AFAP1L1: variants seen among roughly 807,000 people sequenced by gnomAD.
AFAP1L1 encodes the protein actin filament associated protein 1 like 1, also known as actin filament-associated protein 1-like 1.
AFAP1L1 carries 77 observed loss-of-function variants against 99.8 expected under a neutral mutation model. The observed-to-expected ratio is 0.77, with a 90% CI of 0.64 to 0.93. The LOEUF is 0.93. AFAP1L1 is among the 40% of genes least tolerant of loss of function. The probability of loss-of-function intolerance (pLI) is 0.00; values close to 1 mark genes in which losing one functional copy is unlikely to be tolerated. For missense variants in AFAP1L1, 893 were observed against 996.8 expected (o/e 0.90, Z 1.40); for synonymous variants, 373 against 395.3 (o/e 0.94, Z 0.67).
chr5:149,282,199 C>T (rs1755539760), intron 1 of AFAP1L1, among the ~76,000 whole-genome samples: 1 of 152,182 alleles, frequency 6.6e-6, no homozygotes, highest in Admixed American at 6.5e-5. Context: ...CACCACATTG[C>T]AGTCATACCA....
intron 6 of AFAP1L1, among the ~76,000 whole-genome samples, 174 bp downstream of exon 6, chr5:149,306,578 G>A (rs369988842): frequency 6.6e-5 from 10 of 152,254 alleles, no homozygotes; most frequent in South Asian, 6.2e-4. Flanking sequence ...TGGAAAGACC[G>A]CTGGAATGGG....
intron 18 of AFAP1L1, 103 bp downstream of exon 18, chr5:149,335,825 A>G: frequency 6.8e-7 from 1 of 1,468,042 alleles, no homozygotes; most frequent in South Asian, 1.3e-5. Flanking sequence ...AAGGTAGAGA[A>G]TTGCCAATGC....
intron 5 of AFAP1L1, among the ~76,000 whole-genome samples, chr5:149,303,676 G>T (rs1036751311): frequency 2.0e-5 from 3 of 151,886 alleles, no homozygotes; most frequent in Non-Finnish European, 4.4e-5. Flanking sequence ...TTTAAATAGG[G>T]TGTACACAAA....
At chr5:149,272,075 G>A (rs1755130267) in intron 1 of AFAP1L1, 91 bp downstream of exon 1, 5 of 1,184,534 alleles carry the variant, frequency 4.2e-6, no homozygotes, top group Admixed American at 4.2e-5. Flanking sequence ...GAGGGAGAGA[G>A]GCGGGCGGTG....
At position 149,317,881 on chromosome 5, in the gene AFAP1L1, C is replaced by G. The variant is rs747558526; in HGVS notation, c.1420C>G (p.Pro474Ala). 6.3e-7 allele frequency: 1 copy of G among 1,599,390 alleles called. No homozygotes were observed. The highest frequency in any genetic ancestry group is 8.5e-7 in the Non-Finnish European group (1 of 1,173,170). Residue 474 changes from proline to alanine, a missense_variant, in exon 12 of 19, where the codon CCC (proline) becomes GCC (alanine). Pro to Ala is a conservative substitution (Grantham distance 27). Transcript: ENST00000296721. ...CTGTGAGGTGGCCCCGGGCTTTGGG[C>G]CCCGACACCCATTTGCCTTCAGGAT... ...QGCEVAPGFG[P>A]RHPFAFRILR...
At chr5:149,293,417 T>C (rs1418435680) in intron 1 of AFAP1L1, among the ~76,000 whole-genome samples, 1 of 152,250 alleles carries the variant, frequency 6.6e-6, no homozygotes, top group South Asian at 2.1e-4. Context: ...GTTAGTATTG[T>C]GTGAACTTAA....
At position 149,312,140 on chromosome 5, in the gene AFAP1L1, G is replaced by T; in HGVS notation, c.956G>T (p.Gly319Val). 6.2e-7 allele frequency: 1 copy of T among 1,614,010 alleles called. No homozygotes were observed. Among genetic ancestry groups the T allele is most frequent in the Non-Finnish European group, 8.5e-7 (1 of 1,180,014 alleles). ...ATCCGAGAAGTGAGCAAGCCAGTTG[G>T]GGGAGCTGAGGGAGTGGAGGTCCCC... is the stretch of plus-strand genomic sequence containing the variant. ...KVIREVSKPVGGAEGVEVPRS... is the reference protein window; with the variant it reads ...KVIREVSKPVVGAEGVEVPRS... The change falls in exon 9 of 19, where the codon GGG (glycine) becomes GTG (valine). Residue 319 changes from glycine to valine, a missense_variant. By Grantham distance (109) the Gly-to-Val change is moderately radical. Transcript: ENST00000296721.
chr5:149,311,378 C>T (rs766318110), intron 8 of AFAP1L1, among the ~76,000 whole-genome samples: 9 of 152,212 alleles, frequency 5.9e-5, no homozygotes, highest in Admixed American at 4.6e-4. Flanking sequence ...CCTGGGCGGC[C>T]GTTAGCCCAG....
chr5:149,333,007 A>G (rs1354248908), intron 17 of AFAP1L1, 134 bp downstream of exon 17: 5 of 1,238,118 alleles, frequency 4.0e-6, no homozygotes, highest in African/African-American at 1.5e-5. Context: ...AAGTCCAAAG[A>G]GGTGAAGGGC....
intron 15 of AFAP1L1, among the ~76,000 whole-genome samples, chr5:149,324,078 G>T (rs1757028434): frequency 6.6e-6 from 1 of 152,200 alleles, no homozygotes; most frequent in Non-Finnish European, 1.5e-5. Flanking sequence ...AAGCTTCCTT[G>T]AAGGGCAGTG....
Position 149,310,082 on chromosome 5 carries a change from G to A in AFAP1L1, c.874G>A (p.Glu292Lys), listed in dbSNP as rs778448869. ...HELRFTQGAT[E>K]VLVLALQSRE... The stretch of plus-strand genomic sequence containing the variant: ...GCTGCGTTTCACCCAGGGGGCTACC[G>A]AGGTCTTGGTGCTGGCACTGCAGAG... The change falls in exon 8 of 19, where the codon GAG becomes AAG. Residue 292 changes from glutamate to lysine, a missense_variant. Physicochemically the swap from Glu to Lys is moderately conservative, Grantham distance 56. Transcript: ENST00000296721. The A allele has an allele frequency of 6.2e-7, 1 of 1,613,778 alleles. No homozygotes were observed. The highest frequency in any genetic ancestry group is 8.5e-7 in the Non-Finnish European group (1 of 1,179,844).
At chr5:149,327,978 T>C (rs1341131960) in intron 15 of AFAP1L1, among the ~76,000 whole-genome samples, 1 of 152,020 alleles carries the variant, frequency 6.6e-6, no homozygotes, top group Non-Finnish European at 1.5e-5. Flanking sequence ...GGCAAGGAGA[T>C]CTACAAAAGA....
chr5:149,316,055 G>T, intron 10 of AFAP1L1, 96 bp from the exon 11 acceptor site: 1 of 1,581,258 alleles, frequency 6.3e-7, no homozygotes, highest in Non-Finnish European at 8.7e-7. Flanking sequence ...GGAGCTGCAG[G>T]CCCATCCTGT....
At chr5:149,278,120 G>A (rs1052872972) in intron 1 of AFAP1L1, among the ~76,000 whole-genome samples, 7 of 152,090 alleles carry the variant, frequency 4.6e-5, no homozygotes, top group Admixed American at 3.3e-4. Flanking sequence ...AACAATCCTG[G>A]TTTTAGATAC....
At chr5:149,323,681 C>A (rs1471837633) in intron 15 of AFAP1L1, among the ~76,000 whole-genome samples, 1 of 152,104 alleles carries the variant, frequency 6.6e-6, no homozygotes, top group Admixed American at 6.5e-5. Flanking sequence ...TATTCCATTC[C>A]TCATTCCTCC....
intron 1 of AFAP1L1, among the ~76,000 whole-genome samples, chr5:149,298,959 TG>T (rs1756100036): frequency 6.6e-6 from 1 of 152,206 alleles, no homozygotes; most frequent in Non-Finnish European, 1.5e-5. Context: ...AAAGAAAGAA[TG>T]GCACTGATAA....
intron 1 of AFAP1L1, among the ~76,000 whole-genome samples, chr5:149,285,504 G>A (rs1395983172): frequency 2.0e-5 from 3 of 152,128 alleles, no homozygotes; most frequent in Admixed American, 6.5e-5. Context: ...GATGAAACCT[G>A]CCTGGGTGAG....
intron 15 of AFAP1L1, 68 bp downstream of exon 15, chr5:149,322,785 C>A (rs1452468142): frequency 4.6e-6 from 6 of 1,307,524 alleles, no homozygotes; most frequent in African/African-American, 1.5e-5. Context: ...TAGGAGGGAT[C>A]TCAAAATCAG....
intron 15 of AFAP1L1, among the ~76,000 whole-genome samples, chr5:149,325,321 C>A (rs1757065653): frequency 6.6e-6 from 1 of 152,194 alleles, no homozygotes; most frequent in Admixed American, 6.5e-5. Flanking sequence ...AACAGGGCTC[C>A]TTCTTCCCCC....
Sources: gnomAD v4.1 joint callset for allele counts (sites outside exome capture counted in the v4.1 genomes callset) on GRCh38, gnomAD v4.1.1 for gene constraint, MANE v1.5 for transcripts, NCBI Gene and HGNC (gene_info 2026-07-23, HGNC 2026-07-21) for gene names.